MAST2: variants seen among roughly 807,000 people sequenced by gnomAD.
The protein encoded by MAST2 is microtubule associated serine/threonine kinase 2, also known as microtubule-associated serine/threonine-protein kinase 2.
A neutral mutation model predicts 147.4 loss-of-function variants in MAST2; 70 were observed. The ratio of observed to expected loss-of-function variants is 0.47; its 90% CI spans 0.39 to 0.58. The LOEUF (loss-of-function observed/expected upper bound fraction) is 0.58. Among genes scored for constraint, MAST2 ranks in the 20% least tolerant of loss-of-function variants. MAST2 has a pLI of 0.00. For missense variants in MAST2, 2,080 were observed against 2,302.3 expected (o/e 0.90, Z 1.98); for synonymous variants, 869 against 896.8 (o/e 0.97, Z 0.55).
At chr1:45,880,952 G>T (rs1169477980) in intron 3 of MAST2, among the ~76,000 whole-genome samples, 1 of 142,070 alleles carries the variant, frequency 7.0e-6, no homozygotes, top group African/African-American at 2.7e-5. Context: ...GGGTGACAGC[G>T]TGAGACTCCA....
Position 46,023,261 on chromosome 1 carries a change from A to C in MAST2, c.1514A>C (p.Lys505Thr), listed in dbSNP as rs1056019537. ...EGHGASLPSK[K>T]TPSEEDFETI... ...CATGGGGCATCTCTGCCATCTAAAA[A>C]GACACCCTCTGAAGAGGACTTCGAG... is the stretch of plus-strand genomic sequence containing the variant. Residue 505 changes from lysine to threonine, a missense_variant, in exon 14 of 29, where the codon AAG becomes ACG. Physicochemically the swap from Lys to Thr is moderately conservative, Grantham distance 78. Around this residue, in one of 4 missense-constraint regions of MAST2, gnomAD observed 569 missense variants for 642.5 expected, o/e 0.89. Coordinates refer to ENST00000361297, the MANE Select transcript of MAST2 (RefSeq NM_015112.3). The surrounding 1 kb of genome is among the most constrained non-coding windows in gnomAD (Gnocchi z 4.9). The C allele has an allele frequency of 1.3e-5, 21 of 1,614,058 alleles. No homozygotes were observed. Among genetic ancestry groups the C allele is most frequent in the Non-Finnish European group, 1.7e-5 (20 of 1,180,032 alleles).
At chr1:46,007,640 C>T (rs1340087155) in intron 8 of MAST2, among the ~76,000 whole-genome samples, 1 of 152,158 alleles carries the variant, frequency 6.6e-6, no homozygotes, top group Non-Finnish European at 1.5e-5. Context: ...TGGGCAAGAC[C>T]CACATACCCA....
intron 8 of MAST2, among the ~76,000 whole-genome samples, 179 bp from the exon 9 acceptor site, chr1:46,008,117 C>T (rs2149221136): frequency 6.6e-6 from 1 of 152,172 alleles, no homozygotes; most frequent in Middle Eastern, 3.4e-3. Context: ...CCATTTTGAA[C>T]TGAACAAGGT....
chr1:45,816,742 G>A (rs1045688077), intron 1 of MAST2, among the ~76,000 whole-genome samples: 5 of 151,972 alleles, frequency 3.3e-5, no homozygotes, highest in African/African-American at 7.2e-5. Context: ...GTGCAGTGGC[G>A]TAATGGCTCC....
chr1:45,935,456 T>C (rs1656051154), intron 4 of MAST2, among the ~76,000 whole-genome samples: 1 of 152,204 alleles, frequency 6.6e-6, no homozygotes. Context: ...GTCTTCATCA[T>C]GAAGTCTTCC....
chr1:45,941,106 T>C (rs1421359578), intron 4 of MAST2, among the ~76,000 whole-genome samples: 1 of 152,216 alleles, frequency 6.6e-6, no homozygotes, highest in African/African-American at 2.4e-5. Flanking sequence ...GTTGGTGCTT[T>C]GTGCCCTGAG....
chr1:45,834,071 T>A (rs940336076), intron 3 of MAST2, among the ~76,000 whole-genome samples: 2 of 152,146 alleles, frequency 1.3e-5, no homozygotes, highest in Non-Finnish European at 2.9e-5. Context: ...GCTGTGACAT[T>A]TCTGAAAAAT....
intron 4 of MAST2, among the ~76,000 whole-genome samples, chr1:45,891,333 G>GT (rs886737182): frequency 1.3e-5 from 2 of 151,964 alleles, no homozygotes; most frequent in East Asian, 1.9e-4. Context: ...CTCTGCAAAA[G>GT]TTTTTTTAAA....
At position 46,010,913 on chromosome 1, in the gene MAST2, G is replaced by A; in HGVS notation, c.1162G>A (p.Asp388Asn). 1.9e-6 allele frequency: 3 copies of A among 1,614,188 alleles called. No homozygotes were observed. The change falls in exon 10 of 29, where the codon GAT becomes AAT. Residue 388 changes from aspartate to asparagine, a missense_variant. By Grantham distance (23) the Asp-to-Asn change is conservative (BLOSUM62 1). This residue lies in a region of MAST2 where 569 missense variants were observed against 642.5 expected (regional missense o/e 0.89). Coordinates refer to ENST00000361297, the MANE Select transcript of MAST2 (RefSeq NM_015112.3). ...ATCACAATACTTCTACGAACTTCAA[G>A]ATAATTTGGAGAAACTTTTACAAGA... ...ITSQYFYELQDNLEKLLQDAH... is the reference protein window; with the variant it reads ...ITSQYFYELQNNLEKLLQDAH...
intron 10 of MAST2, among the ~76,000 whole-genome samples, chr1:46,012,517 TA>T (rs1645755705): frequency 6.6e-6 from 1 of 152,204 alleles, no homozygotes; most frequent in East Asian, 1.9e-4. Flanking sequence ...AAAAATAAGT[TA>T]TTACTATACT....
intron 18 of MAST2, 131 bp downstream of exon 18, chr1:46,029,064 T>C: frequency 1.9e-6 from 2 of 1,054,890 alleles, no homozygotes; most frequent in Admixed American, 2.6e-5. Flanking sequence ...GTCTGCTGCT[T>C]TGGGGATGGG....
intron 16 of MAST2, among the ~76,000 whole-genome samples, chr1:46,026,142 G>T (rs1646400643): frequency 6.6e-6 from 1 of 152,228 alleles, no homozygotes; most frequent in Non-Finnish European, 1.5e-5. Context: ...CATCTACTCT[G>T]TGCCAGCACT....
intron 4 of MAST2, among the ~76,000 whole-genome samples, chr1:45,889,957 A>C (rs1239201925): frequency 6.6e-6 from 1 of 152,038 alleles, no homozygotes; most frequent in Admixed American, 6.6e-5. Context: ...GTTGGCCATG[A>C]TGGTCTCAAT....
intron 3 of MAST2, among the ~76,000 whole-genome samples, chr1:45,829,969 C>T (rs1330497204): frequency 6.6e-6 from 1 of 151,582 alleles, no homozygotes; most frequent in Non-Finnish European, 1.5e-5. Context: ...ATTCTCCTGC[C>T]TCAGCCTTCT....
At position 45,959,491 on chromosome 1, in the gene MAST2, G is replaced by A; in HGVS notation, c.592+14G>A. 6.2e-7 allele frequency: 1 copy of A among 1,607,988 alleles called. No homozygotes were observed. The highest frequency in any genetic ancestry group is 1.1e-5 in the South Asian group (1 of 90,360). On this transcript the variant is annotated intron_variant, in intron 5 of 28. Transcript: ENST00000361297. ...ATGGCCACACAGGTGAGTGCTTGAA[G>A]GTTAAGAAAGGTTGAATGAAAGAGT...
intron 3 of MAST2, 53 bp downstream of exon 3, chr1:45,829,634 T>A: frequency 6.5e-7 from 1 of 1,536,802 alleles, no homozygotes; most frequent in East Asian, 2.3e-5. Flanking sequence ...ATAATTGTCA[T>A]TTGTCATTGC....
At chr1:45,909,631 C>G (rs1651348516) in intron 4 of MAST2, among the ~76,000 whole-genome samples, 1 of 151,586 alleles carries the variant, frequency 6.6e-6, no homozygotes, top group Non-Finnish European at 1.5e-5. Context: ...GATTCTTCTA[C>G]CTCAGCCTGC....
At chr1:46,022,802 C>G (rs113167554) in intron 12 of MAST2, 108 bp from the exon 13 acceptor site, 13 of 827,060 alleles carry the variant, frequency 1.6e-5, no homozygotes, top group Admixed American at 7.2e-5. Flanking sequence ...TAGGCTGATG[C>G]AAAAAGCATT....
At chr1:45,899,806 T>C (rs1197822690) in intron 4 of MAST2, among the ~76,000 whole-genome samples, 2 of 151,946 alleles carry the variant, frequency 1.3e-5, no homozygotes, top group Non-Finnish European at 2.9e-5. Flanking sequence ...AATTTTCTTA[T>C]GCTATGTCAT....
Sources: gnomAD v4.1 joint callset for allele counts (sites outside exome capture counted in the v4.1 genomes callset) on GRCh38, gnomAD v4.1.1 for gene constraint, gnomAD v4.1.1 regional missense constraint, Gnocchi (gnomAD v3.1) non-coding constraint, MANE v1.5 for transcripts, NCBI Gene and HGNC (gene_info 2026-07-23, HGNC 2026-07-21) for gene names.